Variants in SH2D4B observed in about 807,000 individuals in gnomAD.
SH2D4B encodes SH2 domain-containing protein 4B.
In SH2D4B, 45 loss-of-function variants were observed where a neutral mutation model predicts 61.5. That is an observed-to-expected ratio of 0.73 (90% CI 0.58 to 0.94). The LOEUF (loss-of-function observed/expected upper bound fraction) is 0.94. Among genes scored for constraint, SH2D4B ranks in the 40% least tolerant of loss-of-function variants. The pLI is 0.00. For missense variants in SH2D4B, 572 were observed against 574.2 expected (o/e 1.00, Z 0.04); for synonymous variants, 224 against 220.4 (o/e 1.02, Z -0.14).
At chr10:80,551,425 T>C (rs1050264924) in intron 1 of SH2D4B, among the ~76,000 whole-genome samples, 1 of 151,876 alleles carries the variant, frequency 6.6e-6, no homozygotes, top group Non-Finnish European at 1.5e-5. Context: ...TGGATTTAAA[T>C]AGAAAAATAT....
intron 4 of SH2D4B, among the ~76,000 whole-genome samples, chr10:80,589,690 T>G (rs1272889716): frequency 6.6e-6 from 1 of 152,150 alleles, no homozygotes; most frequent in Non-Finnish European, 1.5e-5. Flanking sequence ...AGGGAGGATG[T>G]AGCACATACA....
intron 4 of SH2D4B, among the ~76,000 whole-genome samples, chr10:80,589,295 C>T (rs1010744550): frequency 1.3e-4 from 20 of 152,320 alleles, no homozygotes; most frequent in African/African-American, 4.1e-4. Context: ...TGAGCCACCA[C>T]TCCCAGCTGG....
At chr10:80,546,078 T>A in intron 1 of SH2D4B, among the ~76,000 whole-genome samples, 1 of 148,542 alleles carries the variant, frequency 6.7e-6, no homozygotes, top group East Asian at 2.0e-4. Flanking sequence ...AAGGTCTTGC[T>A]CTGTCATCCA....
At chr10:80,566,094 A>G (rs1841965042) in intron 1 of SH2D4B, among the ~76,000 whole-genome samples, 1 of 135,576 alleles carries the variant, frequency 7.4e-6, no homozygotes, top group Admixed American at 7.1e-5. Context: ...CCGGCTCAAA[A>G]AAAAAAAAAA....
intron 4 of SH2D4B, among the ~76,000 whole-genome samples, chr10:80,600,520 C>CGTGTGTGTGTGTGTGTGTGTGTGT (rs769408150): frequency 7.5e-5 from 10 of 133,616 alleles, no homozygotes; most frequent in African/African-American, 2.9e-4. Context: ...TGCAGAGTGG[C>CGTGTGTGTGTGTGTGTGTGTGTGT]ATGTGTGTGT....
At chr10:80,621,190 T>C (rs922694243) in intron 6 of SH2D4B, among the ~76,000 whole-genome samples, 6 of 152,188 alleles carry the variant, frequency 3.9e-5, no homozygotes. Flanking sequence ...ACACATTTGA[T>C]TATCATAACT....
intron 4 of SH2D4B, among the ~76,000 whole-genome samples, chr10:80,598,204 C>A (rs972535117): frequency 9.9e-5 from 15 of 152,088 alleles, no homozygotes; most frequent in African/African-American, 3.6e-4. Context: ...TGAGCTGAGG[C>A]CTGTTGGGAG....
At chr10:80,567,509 T>C (rs1841985478) in intron 1 of SH2D4B, among the ~76,000 whole-genome samples, 1 of 152,186 alleles carries the variant, frequency 6.6e-6, no homozygotes, top group Admixed American at 6.5e-5. Context: ...CTGGTCTCTA[T>C]CAGGTCTGAA....
chr10:80,638,601 T>C (rs976418275), intron 7 of SH2D4B, among the ~76,000 whole-genome samples: 18 of 152,224 alleles, frequency 1.2e-4, no homozygotes, highest in Admixed American at 7.9e-4. Context: ...TCTCTGACGG[T>C]AGTTTGTATT....
At chr10:80,552,424 C>T (rs1564766247) in intron 1 of SH2D4B, among the ~76,000 whole-genome samples, 1 of 152,218 alleles carries the variant, frequency 6.6e-6, no homozygotes, top group East Asian at 1.9e-4. Context: ...GCTGCCCTAG[C>T]TTCCTGTCTC....
In SH2D4B at chr10:80,610,655, C is replaced by T. The variant is rs920317685; in HGVS notation, c.988+1104C>T. 2.8e-4 allele frequency among the ~76,000 whole-genome samples: 43 copies of T among 152,182 alleles called. 1 individual carries two copies. Reference sequence around the variant, plus strand: ...AGTACAGAAATACCTCCAAGATGAGCTTGCCATCTTCCTCTGTTGCCACTG... The same window carrying T: ...AGTACAGAAATACCTCCAAGATGAGTTTGCCATCTTCCTCTGTTGCCACTG... On this transcript the variant is annotated intron_variant, in intron 6 of 7. Transcript: ENST00000646907.
chr10:80,610,878 C>T (rs1564783426), intron 6 of SH2D4B, among the ~76,000 whole-genome samples: 1 of 152,102 alleles, frequency 6.6e-6, no homozygotes, highest in Admixed American at 6.5e-5. Flanking sequence ...CTATTTAAAA[C>T]GCTGATGGTT....
chr10:80,577,899 A>G (rs1313880691), intron 3 of SH2D4B, among the ~76,000 whole-genome samples: 1 of 152,166 alleles, frequency 6.6e-6, no homozygotes, highest in Middle Eastern at 3.2e-3. Context: ...GTTACTCAGC[A>G]GTAGACAACC....
intron 3 of SH2D4B, among the ~76,000 whole-genome samples, chr10:80,587,268 T>G (rs1193856598): frequency 1.3e-5 from 2 of 151,260 alleles, no homozygotes; most frequent in African/African-American, 4.9e-5. Flanking sequence ...TAACTCTTGT[T>G]TTTGTTGTTG....
chr10:80,567,838 C>T (rs1391161484), intron 1 of SH2D4B, among the ~76,000 whole-genome samples: 1 of 152,190 alleles, frequency 6.6e-6, no homozygotes, highest in East Asian at 1.9e-4. Flanking sequence ...TTGAAACCTG[C>T]CTGCTGGTCA....
intron 3 of SH2D4B, among the ~76,000 whole-genome samples, chr10:80,574,832 C>T (rs1842106063): frequency 6.6e-6 from 1 of 152,102 alleles, no homozygotes; most frequent in Admixed American, 6.6e-5. Context: ...TCTCAAGTAG[C>T]TGGGATTGCA....
chr10:80,595,514 C>G (rs915694898), intron 4 of SH2D4B, among the ~76,000 whole-genome samples: 12 of 152,086 alleles, frequency 7.9e-5, no homozygotes, highest in African/African-American at 2.9e-4. Flanking sequence ...TCTGTGAAAC[C>G]CTTTGGGCTG....
intron 4 of SH2D4B, among the ~76,000 whole-genome samples, chr10:80,603,138 G>A (rs1477848348): frequency 6.6e-6 from 1 of 152,140 alleles, no homozygotes; most frequent in East Asian, 1.9e-4. Flanking sequence ...GTAGTGTCTG[G>A]AGATGCTGGC....
At chr10:80,612,748 A>C (rs780297608) in intron 6 of SH2D4B, among the ~76,000 whole-genome samples, 1 of 152,214 alleles carries the variant, frequency 6.6e-6, no homozygotes, top group Non-Finnish European at 1.5e-5. Context: ...AAAGAGTCTT[A>C]GTTAATTCAG....
Sources: allele counts gnomAD v4.1 joint callset (sites outside exome capture counted in the v4.1 genomes callset), GRCh38; gene constraint gnomAD v4.1.1; transcripts MANE v1.5; gene names NCBI Gene and HGNC (gene_info 2026-07-23, HGNC 2026-07-21).